Variants in ARHGAP24 observed in about 807,000 individuals in gnomAD.
The protein encoded by ARHGAP24 is Rho GTPase activating protein 24, also known as rho GTPase-activating protein 24.
In ARHGAP24, 50 loss-of-function variants were observed where a neutral mutation model predicts 76.4. The ratio of observed to expected loss-of-function variants is 0.65; its 90% CI spans 0.52 to 0.83. The LOEUF (loss-of-function observed/expected upper bound fraction) is 0.83. ARHGAP24 is among the 40% of genes least tolerant of loss of function. The pLI, the probability that ARHGAP24 is intolerant of heterozygous loss-of-function variation, is 0.00. For synonymous variants in ARHGAP24, 345 were observed against 323.3 expected, an observed-to-expected ratio of 1.07 and a Z score of -0.72; for missense variants, 930 against 914.2, an observed-to-expected ratio of 1.02 and a Z score of -0.22.
At chr4:85,483,715 T>G (rs1354516904) in intron 1 of ARHGAP24, among the ~76,000 whole-genome samples, 1 of 152,154 alleles carries the variant, frequency 6.6e-6, no homozygotes, top group African/African-American at 2.4e-5. Context: ...TTTCATACAC[T>G]GGGTAGAAAT....
At chr4:85,583,948 G>A (rs1411094762) in intron 2 of ARHGAP24, among the ~76,000 whole-genome samples, 1 of 150,296 alleles carries the variant, frequency 6.7e-6, no homozygotes, top group Non-Finnish European at 1.5e-5. Context: ...AACAACAGGT[G>A]CTGGAGAGGA....
chr4:85,722,153 A>G (rs1724968799), intron 3 of ARHGAP24, 181 bp downstream of exon 3: 1 of 582,326 alleles, frequency 1.7e-6, no homozygotes, highest in Non-Finnish European at 3.1e-6. Context: ...ATGCACTCAC[A>G]CACACATACT....
intron 1 of ARHGAP24, among the ~76,000 whole-genome samples, chr4:85,559,908 T>A (rs193110601): frequency 2.0e-5 from 3 of 152,348 alleles, no homozygotes; most frequent in Non-Finnish European, 4.4e-5. Context: ...GAGTTTCTAT[T>A]TGATATTTAA....
intron 2 of ARHGAP24, among the ~76,000 whole-genome samples, chr4:85,646,082 A>G (rs566678749): frequency 6.6e-6 from 1 of 152,124 alleles, no homozygotes; most frequent in Non-Finnish European, 1.5e-5. Context: ...GTGTTTGTAT[A>G]TGTTATTTAA....
intron 2 of ARHGAP24, among the ~76,000 whole-genome samples, chr4:85,574,139 C>G (rs1268711033): frequency 6.6e-6 from 1 of 152,070 alleles, no homozygotes; most frequent in Non-Finnish European, 1.5e-5. Flanking sequence ...GAGTATAAAA[C>G]CCATGAAATG....
chr4:85,642,303 C>T (rs1721552708), intron 2 of ARHGAP24, among the ~76,000 whole-genome samples: 1 of 152,064 alleles, frequency 6.6e-6, no homozygotes, highest in African/African-American at 2.4e-5. Context: ...TGGATGAAAA[C>T]CAATAGGCAG....
chr4:85,688,864 G>A (rs181139089), intron 2 of ARHGAP24, among the ~76,000 whole-genome samples: 2 of 152,216 alleles, frequency 1.3e-5, no homozygotes, highest in Admixed American at 1.3e-4. Context: ...TTGTAAGTGT[G>A]CAGCTTTATT....
intron 1 of ARHGAP24, among the ~76,000 whole-genome samples, chr4:85,532,543 A>G (rs1353114648): frequency 6.6e-6 from 1 of 152,160 alleles, no homozygotes; most frequent in Non-Finnish European, 1.5e-5. Context: ...TTCTTTTTCA[A>G]CAATTTGACC....
intron 2 of ARHGAP24, among the ~76,000 whole-genome samples, chr4:85,712,043 C>G (rs1014776939): frequency 6.6e-6 from 1 of 152,062 alleles, no homozygotes; most frequent in Non-Finnish European, 1.5e-5. Context: ...ATCTTATTGC[C>G]ATAGACTTTG....
At chr4:85,829,108 A>G (rs998415976) in intron 3 of ARHGAP24, among the ~76,000 whole-genome samples, 1 of 152,170 alleles carries the variant, frequency 6.6e-6, no homozygotes, top group Non-Finnish European at 1.5e-5. Context: ...AAGAACAAGA[A>G]TTCTTAATAA....
intron 2 of ARHGAP24, among the ~76,000 whole-genome samples, chr4:85,714,189 C>A (rs190229635): frequency 6.6e-6 from 1 of 152,246 alleles, no homozygotes; most frequent in East Asian, 1.9e-4. Flanking sequence ...AGAAGAAATT[C>A]ATGTTCTCCT....
intron 2 of ARHGAP24, among the ~76,000 whole-genome samples, chr4:85,620,812 T>C (rs915787750): frequency 3.9e-5 from 6 of 152,126 alleles, no homozygotes; most frequent in African/African-American, 1.4e-4. Flanking sequence ...AAGGGGTACA[T>C]ATGCAAGTTT....
chr4:85,825,449 A>G (rs990250349), intron 3 of ARHGAP24, among the ~76,000 whole-genome samples: 1 of 152,240 alleles, frequency 6.6e-6, no homozygotes, highest in African/African-American at 2.4e-5. Flanking sequence ...GTTGAAAAAA[A>G]GTGTTCTGCT....
In ARHGAP24 at chr4:85,928,704, C is replaced by T. The variant is rs369891212; in HGVS notation, c.391+4934C>T. Among the ~76,000 whole-genome samples, 78 of 152,204 alleles carry T rather than the reference C, an allele frequency of 5.1e-4. 2 individuals are homozygous for T. In the East Asian group the frequency reaches 5.4e-3, roughly 11 times the overall value. On this transcript the variant is annotated intron_variant, in intron 4 of 9. Coordinates refer to ENST00000395184, the MANE Select transcript of ARHGAP24 (RefSeq NM_001025616.3). ...CTCAAACTCCTGACCTCAGGTGATC[C>T]ACCCGCCTCAGCCTCCCAAAGTGCT...
intron 2 of ARHGAP24, among the ~76,000 whole-genome samples, chr4:85,711,323 T>A (rs1724518172): frequency 6.7e-6 from 1 of 150,374 alleles, no homozygotes. Flanking sequence ...GACAAAAAAA[T>A]CTATATAAAA....
intron 3 of ARHGAP24, among the ~76,000 whole-genome samples, chr4:85,759,827 G>A (rs1214997864): frequency 6.6e-6 from 1 of 152,150 alleles, no homozygotes; most frequent in African/African-American, 2.4e-5. Context: ...TGGAATGAAG[G>A]AAAATTTCTC....
At chr4:85,667,621 G>C (rs1050265491) in intron 2 of ARHGAP24, among the ~76,000 whole-genome samples, 3 of 152,174 alleles carry the variant, frequency 2.0e-5, no homozygotes, top group Non-Finnish European at 2.9e-5. Flanking sequence ...GACCGGAGCT[G>C]TTCCTATTCG....
chr4:85,721,999 A>G (rs1163990768), intron 3 of ARHGAP24, 27 bp downstream of exon 3: 4 of 1,590,284 alleles, frequency 2.5e-6, no homozygotes, highest in Non-Finnish European at 2.6e-6. Context: ...GTCTGATTAA[A>G]TTATTGTCAT....
At chr4:85,644,071 T>A (rs1721631422) in intron 2 of ARHGAP24, among the ~76,000 whole-genome samples, 1 of 152,176 alleles carries the variant, frequency 6.6e-6, no homozygotes, top group Non-Finnish European at 1.5e-5. Flanking sequence ...CTGGAGCCAT[T>A]GTTCTTGGGT....
Sources: gnomAD v4.1 joint callset for allele counts (sites outside exome capture counted in the v4.1 genomes callset) on GRCh38, gnomAD v4.1.1 for gene constraint, MANE v1.5 for transcripts, NCBI Gene and HGNC (gene_info 2026-07-23, HGNC 2026-07-21) for gene names.